The following TSPAN5 variants were observed in gnomAD, a reference collection of about 807,000 sequenced individuals.
TSPAN5 encodes the protein tetraspanin 5.
A neutral mutation model predicts 37.1 loss-of-function variants in TSPAN5; 10 were observed. The ratio of observed to expected loss-of-function variants is 0.27; its 90% confidence interval spans 0.17 to 0.46. The LOEUF (loss-of-function observed/expected upper bound fraction) is 0.46, where lower values mean the gene tolerates loss of function less well. TSPAN5 is among the 20% of genes least tolerant of loss of function. The pLI is 1.00. For missense variants in TSPAN5, 195 were observed against 326.6 expected, an observed-to-expected ratio of 0.60 and a Z score of 3.11; for synonymous variants, 110 against 118.9, an observed-to-expected ratio of 0.93 and a Z score of 0.48.
intron 1 of TSPAN5, among the ~76,000 whole-genome samples, chr4:98,607,415 T>G (rs1353323660): frequency 1.3e-5 from 2 of 152,198 alleles, no homozygotes; most frequent in Non-Finnish European, 2.9e-5. Context: ...AAGACTGTCT[T>G]ACCTAACGAA....
chr4:98,531,101 G>A (rs543314665), intron 1 of TSPAN5, among the ~76,000 whole-genome samples: 5 of 152,034 alleles, frequency 3.3e-5, no homozygotes, highest in African/African-American at 4.8e-5. Context: ...TTTAAGTTCC[G>A]GAGTACATGT....
intron 1 of TSPAN5, among the ~76,000 whole-genome samples, chr4:98,626,988 A>C (rs1252761896): frequency 3.4e-5 from 5 of 149,204 alleles, no homozygotes; most frequent in Non-Finnish European, 7.4e-5. Context: ...AGGATGAATG[A>C]ATATCATCAA....
chr4:98,508,945 A>ATTTG (rs138530087), intron 1 of TSPAN5, among the ~76,000 whole-genome samples: 29,634 of 151,810 alleles, frequency 0.2, 3,054 homozygotes, highest in East Asian at 0.4. Flanking sequence ...GTATCTCATA[A>ATTTG]TTTTTTCCCC....
chr4:98,566,629 A>G (rs1755010308), intron 1 of TSPAN5, among the ~76,000 whole-genome samples: 2 of 152,208 alleles, frequency 1.3e-5, no homozygotes, highest in Admixed American at 6.5e-5. Flanking sequence ...AGGCACCACA[A>G]GCGGCAGGCT....
chr4:98,566,872 T>C (rs57541793), intron 1 of TSPAN5, among the ~76,000 whole-genome samples: 17,831 of 152,056 alleles, frequency 0.12, 1,189 homozygotes, highest in South Asian at 0.25. Flanking sequence ...CACAACACAT[T>C]CCCTGGGGCC....
chr4:98,489,784 T>G lies in TSPAN5; in HGVS notation c.133-2900A>C, dbSNP rs28439415. Among the ~76,000 whole-genome samples, 787 of 151,444 alleles carry G rather than the reference T, an allele frequency of 5.2e-3. 4 individuals carry two copies. The highest frequency in any genetic ancestry group is 0.018 in the African/African-American group (744 of 40,998). On this transcript the variant is annotated intron_variant, in intron 2 of 7. Transcript: ENST00000305798. ...GGATAGAGCTATAACACTCACCGCATGCATGGCCCAAGATTCCATTCCTTG... is the reference window on the plus strand; with the variant it reads ...GGATAGAGCTATAACACTCACCGCAGGCATGGCCCAAGATTCCATTCCTTG...
intron 4 of TSPAN5, among the ~76,000 whole-genome samples, chr4:98,479,434 T>C (rs908191706): frequency 2.0e-5 from 3 of 152,190 alleles, no homozygotes; most frequent in Non-Finnish European, 2.9e-5. Flanking sequence ...CAGTGCGTGA[T>C]GTGCTTCCCC....
intron 1 of TSPAN5, among the ~76,000 whole-genome samples, chr4:98,543,067 C>G (rs920751868): frequency 1.3e-5 from 2 of 152,120 alleles, no homozygotes; most frequent in African/African-American, 4.8e-5. Context: ...TCTCCATGCA[C>G]ACAGCACGAG....
chr4:98,591,079 T>C (rs1056638188), intron 1 of TSPAN5, among the ~76,000 whole-genome samples: 5 of 149,826 alleles, frequency 3.3e-5, no homozygotes, highest in Non-Finnish European at 5.9e-5. Flanking sequence ...GTTTTTTTGT[T>C]TTTTTTTTTT....
intron 1 of TSPAN5, among the ~76,000 whole-genome samples, chr4:98,542,939 A>C (rs1472093833): frequency 2.0e-5 from 3 of 152,144 alleles, no homozygotes; most frequent in Admixed American, 6.6e-5. Context: ...TTACACAAGG[A>C]AGATACTTCA....
At chr4:98,478,253 A>C (rs1304730269) in intron 5 of TSPAN5, among the ~76,000 whole-genome samples, 1 of 152,164 alleles carries the variant, frequency 6.6e-6, no homozygotes, top group African/African-American at 2.4e-5. Flanking sequence ...CAATGCAGAG[A>C]GCTCTCATAT....
intron 1 of TSPAN5, among the ~76,000 whole-genome samples, chr4:98,560,655 T>C (rs556977447): frequency 6.6e-6 from 1 of 152,356 alleles, no homozygotes; most frequent in Non-Finnish European, 1.5e-5. Context: ...GGCACTCTTC[T>C]AGATTCTGTA....
chr4:98,625,581 C>G (rs1435969859), intron 1 of TSPAN5, among the ~76,000 whole-genome samples: 3 of 152,236 alleles, frequency 2.0e-5, no homozygotes, highest in Admixed American at 2.0e-4. Flanking sequence ...CCCTTCCTTC[C>G]TGTGAACCTC....
At chr4:98,533,950 A>AAAAAAAAC (rs1553912222) in intron 1 of TSPAN5, among the ~76,000 whole-genome samples, 2 of 141,378 alleles carry the variant, frequency 1.4e-5, no homozygotes, top group African/African-American at 5.1e-5. Flanking sequence ...AAAAAAAAAA[A>AAAAAAAAC]AAAAAAAAAA....
intron 1 of TSPAN5, among the ~76,000 whole-genome samples, chr4:98,643,604 A>G (rs1373042735): frequency 6.6e-6 from 1 of 152,196 alleles, no homozygotes; most frequent in Non-Finnish European, 1.5e-5. Flanking sequence ...ATGACAAGTA[A>G]AACACCGTTT....
intron 1 of TSPAN5, among the ~76,000 whole-genome samples, chr4:98,612,541 A>C (rs1756221951): frequency 6.6e-6 from 1 of 152,226 alleles, no homozygotes; most frequent in South Asian, 2.1e-4. Flanking sequence ...TAGCAGACCT[A>C]AACAGTGACA....
intron 2 of TSPAN5, among the ~76,000 whole-genome samples, chr4:98,502,263 A>C (rs77193426): frequency 6.6e-6 from 1 of 152,180 alleles, no homozygotes; most frequent in African/African-American, 2.4e-5. Context: ...TGAGGTTGGA[A>C]GCAAAAATAT....
intron 1 of TSPAN5, among the ~76,000 whole-genome samples, chr4:98,613,973 C>T (rs904674465): frequency 3.3e-5 from 5 of 152,146 alleles, no homozygotes; most frequent in African/African-American, 9.7e-5. Flanking sequence ...TAAATGGTCC[C>T]TTGCATCACT....
intron 1 of TSPAN5, among the ~76,000 whole-genome samples, chr4:98,601,272 A>G (rs1755875781): frequency 1.3e-5 from 2 of 152,222 alleles, no homozygotes; most frequent in South Asian, 4.1e-4. Flanking sequence ...TCAGCCTGTC[A>G]TTTGAAGCCA....
Sources: allele counts gnomAD v4.1 joint callset (sites outside exome capture counted in the v4.1 genomes callset), GRCh38; gene constraint gnomAD v4.1.1; transcripts MANE v1.5; gene names NCBI Gene and HGNC (gene_info 2026-07-23, HGNC 2026-07-21).